Variants in RBPMS2 observed in about 807,000 individuals in gnomAD.
RBPMS2 encodes the protein RNA binding protein, mRNA processing factor 2.
A neutral mutation model predicts 25.7 loss-of-function variants in RBPMS2; 14 were observed. The ratio of observed to expected loss-of-function variants is 0.55; its 90% CI spans 0.36 to 0.85. The LOEUF is 0.85. Among genes scored for constraint, RBPMS2 ranks in the 40% least tolerant of loss-of-function variants. The pLI, the probability that RBPMS2 is intolerant of heterozygous loss-of-function variation, is 0.01. For missense variants in RBPMS2, 252 were observed against 283.4 expected (o/e 0.89, Z 0.80); for synonymous variants, 127 against 115.6 (o/e 1.10, Z -0.63).
intron 1 of RBPMS2, among the ~76,000 whole-genome samples, chr15:64,774,319 G>A (rs1263545237): frequency 6.6e-6 from 1 of 152,210 alleles, no homozygotes; most frequent in African/African-American, 2.4e-5. Context: ...GCCCTGCGAA[G>A]CCTGTCCCCT....
intron 1 of RBPMS2, among the ~76,000 whole-genome samples, chr15:64,770,774 C>A (rs2083887284): frequency 6.6e-6 from 1 of 152,220 alleles, no homozygotes; most frequent in South Asian, 2.1e-4. Context: ...CCTTATCCCC[C>A]ACCTCCCACA....
At chr15:64,756,020 G>A (rs1280189583) in intron 1 of RBPMS2, among the ~76,000 whole-genome samples, 2 of 152,128 alleles carry the variant, frequency 1.3e-5, no homozygotes, top group Non-Finnish European at 2.9e-5. Context: ...ATAGTTCCCA[G>A]CAGTCTGAGG....
At chr15:64,772,682 C>G (rs930473297) in intron 1 of RBPMS2, among the ~76,000 whole-genome samples, 2 of 152,186 alleles carry the variant, frequency 1.3e-5, no homozygotes, top group Non-Finnish European at 2.9e-5. Context: ...CCCCACAGGT[C>G]TAACCTTGCT....
At chr15:64,759,107 C>T (rs1419174200) in intron 1 of RBPMS2, among the ~76,000 whole-genome samples, 1 of 152,040 alleles carries the variant, frequency 6.6e-6, no homozygotes, top group African/African-American at 2.4e-5. Flanking sequence ...ACCTCTTGAC[C>T]TCTCCCCACC....
chr15:64,744,542 G>A (rs2083595336), intron 6 of RBPMS2, among the ~76,000 whole-genome samples: 1 of 130,832 alleles, frequency 7.6e-6, no homozygotes, highest in African/African-American at 2.8e-5. Context: ...TGGGCAACAA[G>A]AGTGAAACTC....
intron 1 of RBPMS2, among the ~76,000 whole-genome samples, chr15:64,769,281 T>G (rs1321664847): frequency 1.3e-5 from 2 of 149,940 alleles, no homozygotes; most frequent in Admixed American, 1.3e-4. Flanking sequence ...CAGAATTAGC[T>G]GGGCGTGGTA....
At chr15:64,741,554 T>G (rs1353163754) in intron 6 of RBPMS2, among the ~76,000 whole-genome samples, 1 of 152,206 alleles carries the variant, frequency 6.6e-6, no homozygotes, top group East Asian at 1.9e-4. Flanking sequence ...GGGGCAGTGG[T>G]GCCAGCAACC....
chr15:64,761,231 G>A (rs1033896776), intron 1 of RBPMS2: 14 of 152,168 alleles, frequency 9.2e-5, no homozygotes, highest in Admixed American at 3.3e-4. Flanking sequence ...ACTTTGGGAA[G>A]GGGGTGAGAA....
intron 1 of RBPMS2, among the ~76,000 whole-genome samples, chr15:64,763,149 T>A (rs547118643): frequency 4.6e-5 from 7 of 151,906 alleles, no homozygotes; most frequent in Non-Finnish European, 1.0e-4. Context: ...ACGCCTCCCA[T>A]AGGAAAGAAG....
At position 64,751,541 on chromosome 15, in the gene RBPMS2, G is replaced by A; in HGVS notation, c.165+20C>T. The A allele has an allele frequency of 6.2e-7, 1 of 1,609,066 alleles. No homozygotes were observed. Among genetic ancestry groups the A allele is most frequent in the Non-Finnish European group, 8.5e-7 (1 of 1,175,650 alleles). On this transcript the variant is annotated intron_variant, in intron 2 of 7. Transcript: ENST00000300069. ...CAGGGTCCCAGGCTCTACCCAGGGGGCGGCTGGGTCCTGACTCACCTTGAA... is the reference window on the plus strand; with the variant it reads ...CAGGGTCCCAGGCTCTACCCAGGGGACGGCTGGGTCCTGACTCACCTTGAA...
chr15:64,753,661 T>C (rs1353017932), intron 1 of RBPMS2, among the ~76,000 whole-genome samples: 1 of 152,082 alleles, frequency 6.6e-6, no homozygotes, highest in African/African-American at 2.4e-5. Flanking sequence ...TTCAGCAGAA[T>C]CTCGGGCCGC....
chr15:64,765,831 C>A (rs2083841429), intron 1 of RBPMS2, among the ~76,000 whole-genome samples: 1 of 151,600 alleles, frequency 6.6e-6, no homozygotes, highest in African/African-American at 2.4e-5. Context: ...TGGCTAAGAT[C>A]AAGTGTAAAA....
At chr15:64,755,731 C>A (rs2083726671) in intron 1 of RBPMS2, among the ~76,000 whole-genome samples, 1 of 152,158 alleles carries the variant, frequency 6.6e-6, no homozygotes, top group Non-Finnish European at 1.5e-5. Flanking sequence ...AACTGGCAAA[C>A]CAGGAGCAGG....
At position 64,775,378 on chromosome 15, in the gene RBPMS2, G is replaced by A. The variant is rs2083923867; in HGVS notation, c.-59C>T. ...AGGGCGAGCGCGGCGCCGGCCCCGCGGGAAGTGGGAAGGGGCGCGGGGAGC... is the reference window on the plus strand; with the variant it reads ...AGGGCGAGCGCGGCGCCGGCCCCGCAGGAAGTGGGAAGGGGCGCGGGGAGC... On this transcript the variant is annotated 5_prime_UTR_variant, in exon 1 of 8. Coordinates refer to ENST00000300069, the MANE Select transcript of RBPMS2 (RefSeq NM_194272.3). 2.0e-6 allele frequency: 2 copies of A among 1,019,710 alleles called. No homozygotes were observed. The highest frequency in any genetic ancestry group is 7.2e-5 in the East Asian group (2 of 27,792). 63.2% of individuals were successfully genotyped at this position (1,019,710 alleles called of 1,614,324 possible).
At chr15:64,749,242 C>A (rs768538173) in intron 4 of RBPMS2, 92 bp from the exon 5 acceptor site, 20 of 1,499,882 alleles carry the variant, frequency 1.3e-5, no homozygotes, top group Non-Finnish European at 1.6e-5. Flanking sequence ...TAAACAAGCT[C>A]GCCTCGAAGA....
intron 1 of RBPMS2, among the ~76,000 whole-genome samples, chr15:64,763,473 C>T (rs1047646841): frequency 3.3e-5 from 5 of 152,132 alleles, no homozygotes; most frequent in Non-Finnish European, 5.9e-5. Context: ...AGGACAAGTC[C>T]CAGGTTCAGG....
At chr15:64,743,640 A>G (rs4264349) in intron 6 of RBPMS2, among the ~76,000 whole-genome samples, 2,429 of 22,198 alleles carry the variant, frequency 0.11, 21 homozygotes, top group East Asian at 0.33. Context: ...AGTTGTGCCC[A>G]GGGGGGGGGG....
At chr15:64,761,725 C>A (rs936636015) in intron 1 of RBPMS2, among the ~76,000 whole-genome samples, 4 of 94,724 alleles carry the variant, frequency 4.2e-5, no homozygotes, top group African/African-American at 1.1e-4. Flanking sequence ...TTTTTTGAGA[C>A]GGAGTCTCAC....
At chr15:64,757,817 C>CA (rs569189410) in intron 1 of RBPMS2, among the ~76,000 whole-genome samples, 12 of 151,264 alleles carry the variant, frequency 7.9e-5, no homozygotes, top group African/African-American at 2.4e-4. Flanking sequence ...CTATCCCCCC[C>CA]CACAAAAAAT....
Sources: gnomAD v4.1 joint callset for allele counts (sites outside exome capture counted in the v4.1 genomes callset) on GRCh38, gnomAD v4.1.1 for gene constraint, MANE v1.5 for transcripts, NCBI Gene and HGNC (gene_info 2026-07-23, HGNC 2026-07-21) for gene names.